SNRNP48: variants seen among roughly 807,000 people sequenced by gnomAD.
SNRNP48 encodes the protein U11/U12 small nuclear ribonucleoprotein 48 kDa protein.
In SNRNP48, 43 loss-of-function variants were observed where a neutral mutation model predicts 47.0. The observed-to-expected ratio is 0.92, with a 90% CI of 0.72 to 1.18. The LOEUF (loss-of-function observed/expected upper bound fraction) is 1.18. SNRNP48 is among the 50% of genes most tolerant of loss of function. SNRNP48 has a pLI of 0.00. For synonymous variants in SNRNP48, 138 were observed against 144.0 expected (o/e 0.96, Z 0.30); for missense variants, 396 against 422.2 (o/e 0.94, Z 0.54).
At chr6:7,593,188 A>G (rs1274955961) in intron 1 of SNRNP48, among the ~76,000 whole-genome samples, 1 of 152,088 alleles carries the variant, frequency 6.6e-6, no homozygotes, top group African/African-American at 2.4e-5. Context: ...TTATATTAAT[A>G]CTTACATGAA....
At chr6:7,599,513 C>T (rs1759973845) in intron 4 of SNRNP48, among the ~76,000 whole-genome samples, 1 of 152,058 alleles carries the variant, frequency 6.6e-6, no homozygotes, top group South Asian at 2.1e-4. Flanking sequence ...TCATATGTAC[C>T]TTTAAATCAT....
At chr6:7,593,701 C>T (rs946358404) in intron 1 of SNRNP48, 33 bp from the exon 2 acceptor site, 3 of 1,275,242 alleles carry the variant, frequency 2.4e-6, no homozygotes, top group Non-Finnish European at 3.3e-6. Context: ...ATATTATGTA[C>T]CTATTTTCTT....
intron 1 of SNRNP48, among the ~76,000 whole-genome samples, chr6:7,591,416 C>T (rs569091354): frequency 1.6e-4 from 25 of 152,214 alleles, no homozygotes; most frequent in Admixed American, 5.2e-4. Context: ...TTTACTATTA[C>T]TTCTGGGTTT....
chr6:7,593,965 G>A, intron 2 of SNRNP48, 118 bp downstream of exon 2: 1 of 989,102 alleles, frequency 1.0e-6, no homozygotes. Context: ...CTTACTTGAA[G>A]GGTTGGTTGG....
intron 3 of SNRNP48, among the ~76,000 whole-genome samples, 190 bp downstream of exon 3, chr6:7,594,349 G>A (rs1298722940): frequency 6.6e-6 from 1 of 152,206 alleles, no homozygotes; most frequent in African/African-American, 2.4e-5. Flanking sequence ...GACCAGGCTT[G>A]TATTAATAGG....
At chr6:7,604,532 C>T (rs1760089204) in intron 6 of SNRNP48, among the ~76,000 whole-genome samples, 1 of 152,138 alleles carries the variant, frequency 6.6e-6, no homozygotes, top group African/African-American at 2.4e-5. Flanking sequence ...ACTTTGAGAG[C>T]CATTGAAAGT....
At position 7,605,432 on chromosome 6, in the gene SNRNP48, A is replaced by T. The variant is rs200161152; in HGVS notation, c.752A>T (p.Glu251Val). ...IRDVINVHME[E>V]LSNHWQEEQE... ...GATGTGATAAATGTGCACATGGAAG[A>T]ACTCAGCAATCATTGGCAAGAAGAG... is the stretch of plus-strand genomic sequence containing the variant. The change falls in exon 7 of 9, where the codon GAA (glutamate) becomes GTA (valine). Residue 251 changes from glutamate to valine, a missense_variant. Coordinates refer to ENST00000342415, the MANE Select transcript of SNRNP48 (RefSeq NM_152551.4). The T allele has an allele frequency of 1.6e-4, 251 of 1,614,140 alleles. No individual in the cohort carries two copies. Among genetic ancestry groups the T allele is most frequent in the Non-Finnish European group, 1.9e-4 (221 of 1,180,004 alleles).
intron 1 of SNRNP48, among the ~76,000 whole-genome samples, chr6:7,592,759 A>G (rs907405505): frequency 6.6e-6 from 1 of 152,128 alleles, no homozygotes; most frequent in African/African-American, 2.4e-5. Flanking sequence ...AGAGAGAGCG[A>G]GCGAGCGTAG....
chr6:7,598,285 A>G (rs1759945285), intron 4 of SNRNP48, among the ~76,000 whole-genome samples: 1 of 151,914 alleles, frequency 6.6e-6, no homozygotes, highest in South Asian at 2.1e-4. Flanking sequence ...ACCTGAGGCC[A>G]GGAGTTCAAG....
chr6:7,606,317 A>T, intron 8 of SNRNP48, 122 bp downstream of exon 8: 2 of 1,001,664 alleles, frequency 2.0e-6, no homozygotes, highest in Non-Finnish European at 2.8e-6. Flanking sequence ...TAAGGAGAGT[A>T]AACAATTGAC....
chr6:7,596,091 C>T (rs1272345281), intron 4 of SNRNP48, among the ~76,000 whole-genome samples: 1 of 152,102 alleles, frequency 6.6e-6, no homozygotes, highest in East Asian at 1.9e-4. Context: ...TGGCGAAACC[C>T]TGTCTTTACT....
chr6:7,594,996 T>C (rs376236264), intron 3 of SNRNP48, 31 bp from the exon 4 acceptor site: 47 of 1,541,914 alleles, frequency 3.0e-5, no homozygotes, highest in Admixed American at 7.7e-5. Context: ...ATGATTCATA[T>C]TGTATTTATG....
intron 6 of SNRNP48, among the ~76,000 whole-genome samples, chr6:7,603,797 A>G (rs929566264): frequency 3.9e-5 from 6 of 152,216 alleles, no homozygotes; most frequent in African/African-American, 1.4e-4. Context: ...GGTCCCTGTC[A>G]TACTACCTTG....
intron 4 of SNRNP48, among the ~76,000 whole-genome samples, chr6:7,595,387 T>G (rs535858489): frequency 3.0e-5 from 3 of 101,078 alleles, no homozygotes; most frequent in Non-Finnish European, 8.0e-5. Flanking sequence ...ATTAAAAAAA[T>G]TATTATTTAG....
intron 3 of SNRNP48, 83 bp downstream of exon 3, chr6:7,594,242 G>A: frequency 1.6e-6 from 1 of 619,396 alleles, no homozygotes. Flanking sequence ...AGAATGGATT[G>A]TATAAGCATG....
Position 7,609,837 on chromosome 6 carries a change from C to T in SNRNP48, c.*964C>T, listed in dbSNP as rs1363602329. ...TTTATTGGGTTTTGACAGATTCATA[C>T]CTCTGTGCAGCCACTATCACGATCA... is the stretch of plus-strand genomic sequence containing the variant. On this transcript the variant is annotated 3_prime_UTR_variant, in exon 9 of 9. Transcript: ENST00000342415. 6.6e-6 allele frequency: 1 copy of T among 152,062 alleles called. No homozygotes were observed. Among genetic ancestry groups the T allele is most frequent in the Admixed American group, 6.6e-5 (1 of 15,246 alleles). 9.4% of individuals were successfully genotyped at this position (152,062 alleles called of 1,614,324 possible). A position where few individuals can be genotyped will look rare whatever the true frequency, so the allele number is the denominator to read the frequency against.
intron 6 of SNRNP48, among the ~76,000 whole-genome samples, chr6:7,603,540 T>C (rs1760070392): frequency 6.6e-6 from 1 of 152,226 alleles, no homozygotes. Flanking sequence ...CTATATCTGA[T>C]TGCATATAAT....
In SNRNP48 at chr6:7,593,743, G is replaced by A; in HGVS notation, c.166G>A (p.Val56Met). ...TGTTTGATTTTTATAGGATGAAGTT[G>A]TGATATGTCCATACGATTCCAATCA... ...GEEEAAEDEV[V>M]ICPYDSNHHM... Residue 56 changes from valine (V) to methionine (M), a missense_variant, in exon 2 of 9, where the codon GTG becomes ATG. Val to Met is a conservative substitution (Grantham distance 21). Transcript: ENST00000342415. The A allele has an allele frequency of 6.4e-7, 1 of 1,568,816 alleles. No homozygotes were observed. Among genetic ancestry groups the A allele is most frequent in the Non-Finnish European group, 8.6e-7 (1 of 1,160,554 alleles).
At chr6:7,595,810 GTT>G (rs1759894900) in intron 4 of SNRNP48, among the ~76,000 whole-genome samples, 1 of 152,144 alleles carries the variant, frequency 6.6e-6, no homozygotes, top group Admixed American at 6.5e-5. Flanking sequence ...AAACACAAAA[GTT>G]TTACATATAA....
Sources: allele counts gnomAD v4.1 joint callset (sites outside exome capture counted in the v4.1 genomes callset), GRCh38; gene constraint gnomAD v4.1.1; transcripts MANE v1.5; gene names NCBI Gene and HGNC (gene_info 2026-07-23, HGNC 2026-07-21).